ASB4: variants seen among roughly 807,000 people sequenced by gnomAD.
The protein encoded by ASB4 is ankyrin repeat and SOCS box protein 4.
In ASB4, 35 loss-of-function variants were observed where a neutral mutation model predicts 38.6. The observed-to-expected ratio is 0.91, with a 90% confidence interval of 0.69 to 1.20. The LOEUF (loss-of-function observed/expected upper bound fraction) is 1.20. ASB4 is among the 50% of genes most tolerant of loss of function. ASB4 has a pLI of 0.00. For missense variants in ASB4, 557 were observed against 527.2 expected (o/e 1.06, Z -0.55); for synonymous variants, 195 against 201.3 (o/e 0.97, Z 0.26).
chr7:95,474,408 T>G (rs1272804302), upstream of ASB4, among the ~76,000 whole-genome samples: 1 of 152,070 alleles, frequency 6.6e-6, no homozygotes, highest in Non-Finnish European at 1.5e-5. Flanking sequence ...TATCAATTTG[T>G]TTTTTTTATA....
At chr7:95,483,846 G>T (rs2116569875), upstream of ASB4, among the ~76,000 whole-genome samples, 1 of 152,234 alleles carries the variant, frequency 6.6e-6, no homozygotes, top group South Asian at 2.1e-4. Context: ...GACTTGCAAA[G>T]TGCTCCCTAA....
At chr7:95,475,756 A>T (rs936920879), upstream of ASB4, among the ~76,000 whole-genome samples, 1 of 152,150 alleles carries the variant, frequency 6.6e-6, no homozygotes, top group Non-Finnish European at 1.5e-5. Context: ...CAAATCATGT[A>T]TTCCAGTGTC....
At chr7:95,477,127 ACT>A, upstream of ASB4, among the ~76,000 whole-genome samples, 2 of 151,786 alleles carry the variant, frequency 1.3e-5, no homozygotes, top group Non-Finnish European at 2.9e-5. Flanking sequence ...TCCCCAGGAT[ACT>A]GCAGCTGTTC....
At chr7:95,523,730 CA>C (rs2116638280) in intron 2 of ASB4, among the ~76,000 whole-genome samples, 1 of 152,104 alleles carries the variant, frequency 6.6e-6, no homozygotes, top group East Asian at 1.9e-4. Context: ...TTAATTGTAG[CA>C]TTAATTTTAA....
intron 1 of ASB4, among the ~76,000 whole-genome samples, chr7:95,487,302 T>C (rs1790106019): frequency 6.6e-6 from 1 of 152,234 alleles, no homozygotes; most frequent in Admixed American, 6.5e-5. Context: ...AAGGGATCTA[T>C]TTTTTAAAAA....
upstream of ASB4, among the ~76,000 whole-genome samples, chr7:95,482,775 G>T (rs1790031660): frequency 6.6e-6 from 1 of 152,144 alleles, no homozygotes; most frequent in South Asian, 2.1e-4. Context: ...AGTCTTGATG[G>T]ATTATGAGAG....
chr7:95,475,072 G>C (rs1057159209), upstream of ASB4, among the ~76,000 whole-genome samples: 34 of 152,118 alleles, frequency 2.2e-4, no homozygotes, highest in African/African-American at 7.5e-4. Flanking sequence ...ATAGTGCCTA[G>C]ACCAGCAACA....
chr7:95,472,631 A>G, the ASB4 span, among the ~76,000 whole-genome samples: 1 of 152,138 alleles, frequency 6.6e-6, no homozygotes, highest in African/African-American at 2.4e-5. Context: ...GGTTTTAATG[A>G]TGCTCTGCCA....
At chr7:95,527,255 C>T (rs1447252631) in intron 2 of ASB4, among the ~76,000 whole-genome samples, 1 of 152,098 alleles carries the variant, frequency 6.6e-6, no homozygotes. Flanking sequence ...AAGAAAGCCT[C>T]ACAGACTTGG....
At chr7:95,527,259 G>A (rs549071893) in intron 2 of ASB4, among the ~76,000 whole-genome samples, 131 of 152,250 alleles carry the variant, frequency 8.6e-4, no homozygotes, top group African/African-American at 3.0e-3. Flanking sequence ...AAGCCTCACA[G>A]ACTTGGGCAG....
intron 2 of ASB4, among the ~76,000 whole-genome samples, chr7:95,527,135 A>T (rs1333399251): frequency 6.6e-6 from 1 of 152,112 alleles, no homozygotes; most frequent in African/African-American, 2.4e-5. Flanking sequence ...CCTTTTGATG[A>T]AAAATATAAC....
chr7:95,513,838 A>C (rs1428022437), intron 2 of ASB4, among the ~76,000 whole-genome samples: 1 of 152,130 alleles, frequency 6.6e-6, no homozygotes, highest in African/African-American at 2.4e-5. Flanking sequence ...CCTAGGCATT[A>C]CTATCTGCTA....
chr7:95,526,758 CAAT>C (rs1004612882), intron 2 of ASB4, among the ~76,000 whole-genome samples: 4 of 152,038 alleles, frequency 2.6e-5, no homozygotes, highest in South Asian at 2.1e-4. Context: ...ATAATAATAA[CAAT>C]AATAATAATA....
At chr7:95,522,347 A>T (rs1790675186) in intron 2 of ASB4, among the ~76,000 whole-genome samples, 2 of 152,084 alleles carry the variant, frequency 1.3e-5, no homozygotes. Flanking sequence ...AATATAAAAC[A>T]CCTCTATCAG....
At chr7:95,491,641 G>A (rs1302228781) in intron 1 of ASB4, among the ~76,000 whole-genome samples, 1 of 152,212 alleles carries the variant, frequency 6.6e-6, no homozygotes, top group African/African-American at 2.4e-5. Flanking sequence ...TGTGGTCATT[G>A]GTGGTTATAT....
chr7:95,495,697 C>A, intron 1 of ASB4, 61 bp from the exon 2 acceptor site: 1 of 1,487,040 alleles, frequency 6.7e-7, no homozygotes, highest in South Asian at 1.3e-5. Context: ...CCTCACAAAA[C>A]AGGGAGAAAG....
chr7:95,517,240 C>T (rs1790596088), intron 2 of ASB4, among the ~76,000 whole-genome samples: 1 of 152,128 alleles, frequency 6.6e-6, no homozygotes, highest in African/African-American at 2.4e-5. Flanking sequence ...GCCATCATAG[C>T]TCACTGTAAC....
chr7:95,500,484 T>G (rs567868609), intron 2 of ASB4, among the ~76,000 whole-genome samples: 1 of 148,478 alleles, frequency 6.7e-6, no homozygotes, highest in East Asian at 2.0e-4. Flanking sequence ...GAGAATTGCT[T>G]GAGCTCACGA....
intron 2 of ASB4, among the ~76,000 whole-genome samples, chr7:95,515,175 T>C (rs866659390): frequency 1.4e-4 from 9 of 66,476 alleles, no homozygotes; most frequent in African/African-American, 2.7e-4. Flanking sequence ...TTCTCTTTCT[T>C]TCTTTCTTTC....
Sources: gnomAD v4.1 joint callset for allele counts (sites outside exome capture counted in the v4.1 genomes callset) on GRCh38, gnomAD v4.1.1 for gene constraint, MANE v1.5 for transcripts, NCBI Gene and HGNC (gene_info 2026-07-23, HGNC 2026-07-21) for gene names.